SLC24A3: variants seen among roughly 807,000 people sequenced by gnomAD.
SLC24A3 encodes the protein solute carrier family 24 member 3.
In SLC24A3, 28 loss-of-function variants were observed where a neutral mutation model predicts 75.8. The observed-to-expected ratio is 0.37, with a 90% CI of 0.27 to 0.51. The LOEUF is 0.51. SLC24A3 is among the 20% of genes least tolerant of loss of function. The pLI, the probability that SLC24A3 is intolerant of heterozygous loss-of-function variation, is 0.94. For synonymous variants in SLC24A3, 372 were observed against 334.1 expected, an observed-to-expected ratio of 1.11 and a Z score of -1.24; for missense variants, 663 against 847.8, an observed-to-expected ratio of 0.78 and a Z score of 2.71.
intron 3 of SLC24A3, among the ~76,000 whole-genome samples, chr20:19,569,330 G>A (rs2031012527): frequency 6.6e-6 from 1 of 152,078 alleles, no homozygotes; most frequent in South Asian, 2.1e-4. Context: ...TTAGTACATC[G>A]GCAGTGAGGG....
chr20:19,366,251 T>C (rs1568600677), intron 2 of SLC24A3, among the ~76,000 whole-genome samples: 2 of 152,354 alleles, frequency 1.3e-5, no homozygotes, highest in African/African-American at 4.8e-5. Context: ...ACAGGCATTA[T>C]GGCCCCTCAT....
chr20:19,543,914 T>C (rs6046169), intron 3 of SLC24A3, among the ~76,000 whole-genome samples: 111,874 of 152,032 alleles, frequency 0.74, 41,476 homozygotes, highest in Non-Finnish European at 0.77. Flanking sequence ...GAGTGCTGCC[T>C]CCTTTGGAAC....
At chr20:19,508,041 A>G (rs1302131801) in intron 2 of SLC24A3, among the ~76,000 whole-genome samples, 1 of 152,150 alleles carries the variant, frequency 6.6e-6, no homozygotes, top group Admixed American at 6.5e-5. Context: ...TGTGGTTGGA[A>G]AATAATTTGA....
intron 2 of SLC24A3, among the ~76,000 whole-genome samples, chr20:19,385,191 G>A (rs1168286274): frequency 1.3e-5 from 2 of 152,042 alleles, no homozygotes; most frequent in Admixed American, 6.6e-5. Context: ...TATAATTTTG[G>A]GGTCATACCC....
chr20:19,299,256 A>G (rs1984141141), intron 2 of SLC24A3, among the ~76,000 whole-genome samples: 1 of 150,948 alleles, frequency 6.6e-6, no homozygotes, highest in Non-Finnish European at 1.5e-5. Context: ...ACTCAACCTC[A>G]GCCCATTATT....
intron 2 of SLC24A3, among the ~76,000 whole-genome samples, chr20:19,320,287 AG>A (rs1322383574): frequency 1.3e-5 from 2 of 152,214 alleles, no homozygotes; most frequent in Non-Finnish European, 2.9e-5. Flanking sequence ...AACATCATAA[AG>A]GTCGAGTTAT....
At chr20:19,215,791 G>A (rs1981537354) in intron 1 of SLC24A3, among the ~76,000 whole-genome samples, 1 of 152,140 alleles carries the variant, frequency 6.6e-6, no homozygotes, top group South Asian at 2.1e-4. Flanking sequence ...CTCAGATTTG[G>A]CTATGTACTG....
chr20:19,535,398 G>C (rs958213195), intron 3 of SLC24A3, among the ~76,000 whole-genome samples: 1 of 152,198 alleles, frequency 6.6e-6, no homozygotes, highest in Non-Finnish European at 1.5e-5. Flanking sequence ...TGGGCAATGA[G>C]AGTAACTGAG....
intron 1 of SLC24A3, among the ~76,000 whole-genome samples, chr20:19,227,243 G>C (rs560452618): frequency 5.3e-5 from 8 of 152,264 alleles, no homozygotes; most frequent in Non-Finnish European, 8.8e-5. Flanking sequence ...CACGTTTGTT[G>C]AACTTTTATA....
Position 19,698,685 on chromosome 20 carries a change from G to A in SLC24A3, c.1719+5G>A. On this transcript the variant is annotated splice_donor_5th_base_variant and intron_variant, in intron 15 of 16. Transcript: ENST00000328041. ...GCTGTGGATTACGGATCCTACGTAAGTGGTTTTCTCCAGGACTTCTCCTGA... is the reference window on the plus strand; with the variant it reads ...GCTGTGGATTACGGATCCTACGTAAATGGTTTTCTCCAGGACTTCTCCTGA... 2 of 1,566,028 alleles carry A rather than the reference G, an allele frequency of 1.3e-6. No individual in the cohort carries two copies. The highest frequency in any genetic ancestry group is 1.7e-6 in the Non-Finnish European group (2 of 1,152,768).
intron 1 of SLC24A3, among the ~76,000 whole-genome samples, chr20:19,251,418 G>A (rs926245235): frequency 1.3e-5 from 2 of 152,168 alleles, no homozygotes; most frequent in African/African-American, 4.8e-5. Flanking sequence ...TCTTGGTTTG[G>A]GTTCCTCTAG....
chr20:19,244,425 C>G (rs1982425127), intron 1 of SLC24A3: 1 of 152,262 alleles, frequency 6.6e-6, no homozygotes, highest in Non-Finnish European at 1.5e-5. Context: ...CCAGACACGG[C>G]ATCTGAGGAA....
chr20:19,253,075 C>G (rs1047851895), intron 1 of SLC24A3, among the ~76,000 whole-genome samples: 2 of 152,300 alleles, frequency 1.3e-5, no homozygotes, highest in Admixed American at 1.3e-4. Context: ...CTCCTAAGTG[C>G]CCCCAGGCAA....
chr20:19,705,905 C>T (rs181052102), intron 15 of SLC24A3, among the ~76,000 whole-genome samples: 9 of 152,162 alleles, frequency 5.9e-5, no homozygotes, highest in Non-Finnish European at 1.3e-4. Flanking sequence ...AATAAGAAAT[C>T]TTTCTAAAAG....
At chr20:19,638,057 A>G (rs1356948271) in intron 6 of SLC24A3, among the ~76,000 whole-genome samples, 1 of 152,124 alleles carries the variant, frequency 6.6e-6, no homozygotes, top group Non-Finnish European at 1.5e-5. Flanking sequence ...CCATCCTCTA[A>G]GTTCCTTCCC....
intron 6 of SLC24A3, among the ~76,000 whole-genome samples, chr20:19,588,259 C>T (rs921242811): frequency 3.3e-5 from 5 of 152,144 alleles, no homozygotes; most frequent in Non-Finnish European, 7.3e-5. Context: ...GGAATTGAAG[C>T]GATTAATAAA....
chr20:19,667,190 C>T (rs181035632), intron 8 of SLC24A3, among the ~76,000 whole-genome samples: 2 of 152,120 alleles, frequency 1.3e-5, no homozygotes, highest in Non-Finnish European at 2.9e-5. Context: ...ATGTTACTTG[C>T]TATGTCAAGG....
At chr20:19,235,957 T>C (rs1353907293) in intron 1 of SLC24A3, among the ~76,000 whole-genome samples, 1 of 152,228 alleles carries the variant, frequency 6.6e-6, no homozygotes, top group Non-Finnish European at 1.5e-5. Flanking sequence ...ACAAACCCAA[T>C]AAAGAAATAG....
chr20:19,688,569 G>A (rs2032707791), intron 12 of SLC24A3, among the ~76,000 whole-genome samples: 1 of 152,238 alleles, frequency 6.6e-6, no homozygotes, highest in Non-Finnish European at 1.5e-5. Flanking sequence ...AAGCCAGGGA[G>A]TCAGTTCTGG....
Sources: allele counts gnomAD v4.1 joint callset (sites outside exome capture counted in the v4.1 genomes callset), GRCh38; gene constraint gnomAD v4.1.1; transcripts MANE v1.5; gene names NCBI Gene and HGNC (gene_info 2026-07-23, HGNC 2026-07-21).